The following RAB27B variants were observed in gnomAD, a reference collection of about 807,000 sequenced individuals.
RAB27B encodes RAB27B, member RAS oncogene family, also known as ras-related protein Rab-27B.
RAB27B carries 15 observed loss-of-function variants against 24.6 expected under a neutral mutation model. That is an observed-to-expected ratio of 0.61 (90% CI 0.41 to 0.94). RAB27B has a LOEUF of 0.94. Ranked by LOEUF, RAB27B falls within the 40% of genes least tolerant of loss-of-function variation. RAB27B has a pLI of 0.00. For synonymous variants in RAB27B, 105 were observed against 92.5 expected (o/e 1.14, Z -0.78); for missense variants, 261 against 266.8 (o/e 0.98, Z 0.15).
At chr18:54,836,287 T>G (rs1568088129) in intron 1 of RAB27B, among the ~76,000 whole-genome samples, 1 of 151,986 alleles carries the variant, frequency 6.6e-6, no homozygotes, top group East Asian at 1.9e-4. Flanking sequence ...CAGATCTTCT[T>G]ATCAAGTGTA....
At chr18:54,864,526 T>C (rs1024795863) in intron 1 of RAB27B, among the ~76,000 whole-genome samples, 1 of 152,028 alleles carries the variant, frequency 6.6e-6, no homozygotes, top group Admixed American at 6.6e-5. Flanking sequence ...GTCTAAGAAA[T>C]CATTACCTAA....
At chr18:54,849,225 G>C (rs567448614) in intron 1 of RAB27B, among the ~76,000 whole-genome samples, 1 of 152,120 alleles carries the variant, frequency 6.6e-6, no homozygotes, top group Non-Finnish European at 1.5e-5. Context: ...TTCACCTCCT[G>C]GTGACCACTC....
rs117439512 is a variant in RAB27B at position 54,719,748 on chromosome 18, T to C, written c.-20+1607T>C. ...ATTACATATCTTCATAAACTTTGTG[T>C]TATTAAAGTTTTCTCCTTTCTCTTT... is the stretch of plus-strand genomic sequence containing the variant. On this transcript the variant is annotated intron_variant, in intron 2 of 4. Coordinates refer to the RAB27B transcript ENST00000586570. Among the ~76,000 whole-genome samples, 1,454 of 152,198 alleles carry C rather than the reference T, an allele frequency of 9.6e-3. 7 individuals carry two copies. Among genetic ancestry groups the C allele is most frequent in the Non-Finnish European group, 0.016 (1,072 of 67,928 alleles).
At chr18:54,880,283 G>C (rs1394519737) in intron 3 of RAB27B, 1 of 152,098 alleles carries the variant, frequency 6.6e-6, no homozygotes, top group African/African-American at 2.4e-5. Flanking sequence ...TAATTCCTTA[G>C]AGCTGGAGGT....
intron 2 of RAB27B, among the ~76,000 whole-genome samples, chr18:54,791,922 T>G (rs1909260475): frequency 6.6e-6 from 1 of 152,298 alleles, no homozygotes. Context: ...GCCGCCAAGC[T>G]GCCCAACTCC....
chr18:54,728,875 C>CAAAA (rs56161105), intron 2 of RAB27B, among the ~76,000 whole-genome samples: 19 of 36,632 alleles, frequency 5.2e-4, no homozygotes, highest in African/African-American at 1.4e-3. Flanking sequence ...GACTCTGTCT[C>CAAAA]AAAAAAAAAA....
chr18:54,770,175 G>C (rs906401820), intron 2 of RAB27B, among the ~76,000 whole-genome samples: 1 of 152,170 alleles, frequency 6.6e-6, no homozygotes, highest in Non-Finnish European at 1.5e-5. Context: ...TTCTAAGACA[G>C]GGGTTGCCAA....
At chr18:54,785,398 G>C (rs574594901) in intron 2 of RAB27B, among the ~76,000 whole-genome samples, 5 of 150,594 alleles carry the variant, frequency 3.3e-5, no homozygotes, top group Non-Finnish European at 7.4e-5. Flanking sequence ...CACTGAACCC[G>C]GCCCTGGATG....
chr18:54,727,830 G>T (rs1000699146), intron 2 of RAB27B, among the ~76,000 whole-genome samples: 2 of 152,116 alleles, frequency 1.3e-5, no homozygotes, highest in South Asian at 4.1e-4. Context: ...ACATTATTAT[G>T]CCACCGTTTA....
chr18:54,801,008 G>GTTT (rs11363761), intron 2 of RAB27B, among the ~76,000 whole-genome samples: 1,052 of 92,938 alleles, frequency 0.011, 28 homozygotes, highest in African/African-American at 0.022. Context: ...TTGTTCCTGT[G>GTTT]TTTTTTTTTT....
At chr18:54,809,783 G>A (rs539180955) in intron 2 of RAB27B, among the ~76,000 whole-genome samples, 3 of 152,280 alleles carry the variant, frequency 2.0e-5, no homozygotes, top group East Asian at 3.9e-4. Flanking sequence ...CAAAAATTAA[G>A]TATGGATGTT....
At chr18:54,793,020 G>T (rs951680689) in intron 2 of RAB27B, among the ~76,000 whole-genome samples, 2 of 151,380 alleles carry the variant, frequency 1.3e-5, no homozygotes, top group Non-Finnish European at 2.9e-5. Flanking sequence ...TTTTTAATCT[G>T]CATTTGGTTG....
At chr18:54,834,821 G>C (rs1176818896) in intron 1 of RAB27B, among the ~76,000 whole-genome samples, 2 of 150,264 alleles carry the variant, frequency 1.3e-5, no homozygotes, top group African/African-American at 5.0e-5. Context: ...TTCTGGCTTC[G>C]TTCTAGCACA....
intron 2 of RAB27B, among the ~76,000 whole-genome samples, chr18:54,756,295 T>A (rs1276813950): frequency 6.6e-6 from 1 of 152,150 alleles, no homozygotes; most frequent in Non-Finnish European, 1.5e-5. Context: ...TAATTTACAT[T>A]TCCTTGGAAT....
chr18:54,870,647 T>C (rs971083929), intron 1 of RAB27B, among the ~76,000 whole-genome samples: 1 of 152,150 alleles, frequency 6.6e-6, no homozygotes, highest in Non-Finnish European at 1.5e-5. Context: ...TATGAAAACA[T>C]ACTTTGATTT....
intron 2 of RAB27B, among the ~76,000 whole-genome samples, chr18:54,732,137 A>T (rs995124134): frequency 1.3e-5 from 2 of 152,202 alleles, no homozygotes; most frequent in African/African-American, 4.8e-5. Context: ...GTCTCATTCT[A>T]TGTGCATATC....
chr18:54,764,749 A>C (rs1186170268), intron 2 of RAB27B, among the ~76,000 whole-genome samples: 1 of 152,094 alleles, frequency 6.6e-6, no homozygotes, highest in African/African-American at 2.4e-5. Context: ...ATTGTTCCTC[A>C]GGCTTATTGA....
chr18:54,877,639 AG>A lies in RAB27B; in HGVS notation c.58del (p.Val20TrpfsTer23). ...TCAAACTCCTGGCCCTCGGGGATTC[AG>A]GGGTGGGGAAGACAACATTTCTTTA... is the stretch of plus-strand genomic sequence containing the variant. ...LIKLLALGDS[G>X]VGKTTFLYRY... is the part of the protein sequence containing the mutation. On this transcript the variant is annotated frameshift_variant, in exon 2 of 6. Coordinates refer to ENST00000262094, the MANE Select transcript of RAB27B (RefSeq NM_004163.4). LOFTEE classifies it high-confidence loss of function. 6.3e-7 allele frequency: 1 copy of A among 1,595,446 alleles called. No individual in the cohort carries two copies. Among genetic ancestry groups the A allele is most frequent in the Non-Finnish European group, 8.5e-7 (1 of 1,174,490 alleles).
At chr18:54,854,929 C>T (rs147661084) in intron 1 of RAB27B, among the ~76,000 whole-genome samples, 235 of 152,160 alleles carry the variant, frequency 1.5e-3, no homozygotes, top group African/African-American at 4.8e-3. Flanking sequence ...GGGATGGTTT[C>T]GGGATGATTC....
Sources: allele counts gnomAD v4.1 joint callset (sites outside exome capture counted in the v4.1 genomes callset), GRCh38; gene constraint gnomAD v4.1.1; transcripts MANE v1.5; gene names NCBI Gene and HGNC (gene_info 2026-07-23, HGNC 2026-07-21).